The following ECHDC3 variants were observed in gnomAD, a reference collection of about 807,000 sequenced individuals.
ECHDC3 encodes enoyl-CoA hydratase domain containing 3.
In ECHDC3, 20 loss-of-function variants were observed where a neutral mutation model predicts 17.9. The observed-to-expected ratio is 1.12, with a 90% CI of 0.79 to 1.63. ECHDC3 has a LOEUF of 1.63. Ranked by LOEUF, ECHDC3 falls within the 40% of genes most tolerant of loss-of-function variation. The pLI, the probability that ECHDC3 is intolerant of heterozygous loss-of-function variation, is 0.00. For synonymous variants in ECHDC3, 177 were observed against 149.7 expected, an observed-to-expected ratio of 1.18 and a Z score of -1.33; for missense variants, 407 against 357.7, an observed-to-expected ratio of 1.14 and a Z score of -1.11.
chr10:11,756,703 G>A (rs1745540029), intron 4 of ECHDC3, among the ~76,000 whole-genome samples: 1 of 151,862 alleles, frequency 6.6e-6, no homozygotes, highest in Non-Finnish European at 1.5e-5. Flanking sequence ...CTAAGAGGAT[G>A]TTTTCGATTC....
At chr10:11,759,356 T>TAAAAAAAAAAAAAAAAAAAAA (rs151106517) in intron 4 of ECHDC3, among the ~76,000 whole-genome samples, 1 of 127,404 alleles carries the variant, frequency 7.8e-6, no homozygotes, top group African/African-American at 3.4e-5. Context: ...CTCCATCTCT[T>TAAAAAAAAAAAAAAAAAAAAA]AAAAAAAAAA....
Position 11,747,410 on chromosome 10 carries a change from C to T in ECHDC3, c.232C>T (p.Leu78Phe). 3.7e-6 allele frequency: 6 copies of T among 1,613,992 alleles called. No individual in the cohort carries two copies. Among genetic ancestry groups the T allele is most frequent in the Non-Finnish European group, 4.2e-6 (5 of 1,179,946 alleles). Reference sequence around the variant, plus strand: ...GTTGTCACTTGCAATGCTGAAGTCTCTCCAAAGTGACATTCTTCATGACGC... The same window carrying T: ...GTTGTCACTTGCAATGCTGAAGTCTTTCCAAAGTGACATTCTTCATGACGC... ...NALSLAMLKS[L>F]QSDILHDADS... Residue 78 changes from leucine to phenylalanine, a missense_variant, in exon 2 of 5, where the codon CTC becomes TTC. Coordinates refer to ENST00000379215, the MANE Select transcript of ECHDC3 (RefSeq NM_024693.5).
intron 4 of ECHDC3, among the ~76,000 whole-genome samples, chr10:11,758,023 G>A (rs191808431): frequency 1.3e-5 from 2 of 152,240 alleles, no homozygotes; most frequent in African/African-American, 4.8e-5. Flanking sequence ...GAAGCTAGCA[G>A]GTACTTTGCA....
intron 1 of ECHDC3, among the ~76,000 whole-genome samples, chr10:11,745,740 T>C (rs1832751840): frequency 6.6e-6 from 1 of 152,180 alleles, no homozygotes; most frequent in African/African-American, 2.4e-5. Flanking sequence ...TGAAAACTGA[T>C]AGGAAACATA....
At chr10:11,751,311 T>G (rs566253814) in intron 3 of ECHDC3, among the ~76,000 whole-genome samples, 1 of 152,340 alleles carries the variant, frequency 6.6e-6, no homozygotes, top group African/African-American at 2.4e-5. Flanking sequence ...TGGAAGCCCC[T>G]AACCCTTGGA....
chr10:11,761,141 C>G (rs1026962764), intron 4 of ECHDC3, among the ~76,000 whole-genome samples: 4 of 152,226 alleles, frequency 2.6e-5, no homozygotes, highest in African/African-American at 9.6e-5. Context: ...GGCTTCTGGT[C>G]TCTCTATCCA....
Position 11,763,743 on chromosome 10 carries a change from C to A in ECHDC3, c.*199C>A. 7.2e-7 allele frequency: 1 copy of A among 1,393,264 alleles called. No individual in the cohort carries two copies. The allele number at this position is 1,393,264 out of a possible 1,614,324, so 86.3% of individuals were successfully genotyped here. ...AATGGAGAGTGACTGAGGTGCTGAC[C>A]TCAGTGCAAGGCTGGTGAACCCTGC... is the stretch of plus-strand genomic sequence containing the variant. On this transcript the variant is annotated 3_prime_UTR_variant, in exon 5 of 5. Coordinates refer to ENST00000379215, the MANE Select transcript of ECHDC3 (RefSeq NM_024693.5). This position sits in a 1 kb window ranked among gnomAD's most constrained non-coding sequence, Gnocchi z 4.9.
intron 1 of ECHDC3, among the ~76,000 whole-genome samples, chr10:11,744,881 G>T (rs1034036988): frequency 2.6e-5 from 4 of 152,230 alleles, no homozygotes; most frequent in Non-Finnish European, 4.4e-5. Flanking sequence ...GGATGAACGC[G>T]TGCACCTGGA....
chr10:11,749,106 A>G (rs1832794938), intron 2 of ECHDC3, among the ~76,000 whole-genome samples: 1 of 152,218 alleles, frequency 6.6e-6, no homozygotes, highest in South Asian at 2.1e-4. Context: ...TGACATGGAC[A>G]CTGCCTTCGG....
intron 2 of ECHDC3, among the ~76,000 whole-genome samples, chr10:11,749,150 T>C (rs1014060615): frequency 6.6e-6 from 1 of 152,232 alleles, no homozygotes; most frequent in Non-Finnish European, 1.5e-5. Context: ...TGTGACTCAA[T>C]ACACTCAGGC....
rs191378837 is a variant in ECHDC3, at chr10:11,759,043, G to A, written c.591+3435G>A. Among the ~76,000 whole-genome samples the A allele has an allele frequency of 4.3e-3, 654 of 152,318 alleles. 16 individuals are homozygous for A. Among genetic ancestry groups the A allele is most frequent in the Admixed American group, 0.037 (566 of 15,300 alleles). Reference sequence around the variant, plus strand: ...ATGAGTATGGAGCCCTTGTGAATGAGATCAGTGACTTTATGAAAACAGCCC... The same window carrying A: ...ATGAGTATGGAGCCCTTGTGAATGAAATCAGTGACTTTATGAAAACAGCCC... On this transcript the variant is annotated intron_variant, in intron 4 of 4. Coordinates refer to ENST00000379215, the MANE Select transcript of ECHDC3 (RefSeq NM_024693.5).
intron 1 of ECHDC3, among the ~76,000 whole-genome samples, chr10:11,743,130 G>A (rs1264588438): frequency 6.6e-6 from 1 of 152,222 alleles, no homozygotes; most frequent in Non-Finnish European, 1.5e-5. Context: ...AGGACAAAGT[G>A]CACAGCTTCC....
intron 3 of ECHDC3, chr10:11,752,139 T>G (rs1832832073): frequency 6.6e-6 from 1 of 151,772 alleles, no homozygotes; most frequent in African/African-American, 2.4e-5. Context: ...TAAGACAGGG[T>G]CTCACTCTGT....
chr10:11,754,915 T>C (rs778539330), intron 3 of ECHDC3, among the ~76,000 whole-genome samples: 6 of 152,178 alleles, frequency 3.9e-5, no homozygotes, highest in Non-Finnish European at 7.3e-5. Flanking sequence ...TGGTTCAGAG[T>C]AGATATTTAA....
chr10:11,763,483 A>G lies in ECHDC3; in HGVS notation c.851A>G (p.Gln284Arg). 8.7e-7 allele frequency: 1 copy of G among 1,155,202 alleles called. No homozygotes were observed. The highest frequency in any genetic ancestry group is 1.3e-6 in the Non-Finnish European group (1 of 775,546). The allele number at this position is 1,155,202 out of a possible 1,614,324, so 71.6% of individuals were successfully genotyped here. ...GACAACCTGGCCCTGCGGGACGGGCAGGAGGGCATCACGGCCTTCCTCCAG... is the reference window on the plus strand; with the variant it reads ...GACAACCTGGCCCTGCGGGACGGGCGGGAGGGCATCACGGCCTTCCTCCAG... The part of the protein sequence containing the change: ...MVDNLALRDG[Q>R]EGITAFLQKR... The change falls in exon 5 of 5, where the codon CAG (glutamine) becomes CGG (arginine). Residue 284 changes from glutamine to arginine, a missense_variant. Transcript: ENST00000379215. The surrounding 1 kb of genome is among the most constrained non-coding windows in gnomAD (Gnocchi z 4.9).
chr10:11,763,444 C>T lies in ECHDC3; in HGVS notation c.812C>T (p.Ser271Phe), dbSNP rs748143770. Residue 271 changes from serine (S) to phenylalanine (F), a missense_variant, in exon 5 of 5, where the codon TCC (serine) becomes TTC (phenylalanine). Physicochemically the swap from Ser to Phe is radical, Grantham distance 155 (BLOSUM62 -2). Transcript: ENST00000379215. The surrounding 1 kb of genome is among the most constrained non-coding windows in gnomAD (Gnocchi z 4.9). ...QDLGTAYYLT[S>F]QAMVDNLALR... ...CTGGGGACGGCTTACTACCTCACCT[C>T]CCAGGCCATGGTGGACAACCTGGCC... The T allele has an allele frequency of 1.1e-6, 1 of 890,094 alleles. No homozygotes were observed. The highest frequency in any genetic ancestry group is 1.7e-5 in the Admixed American group (1 of 59,070). 55.1% of individuals were successfully genotyped at this position (890,094 alleles called of 1,614,324 possible).
chr10:11,763,109 G>A lies in ECHDC3; in HGVS notation c.592-115G>A. The A allele has an allele frequency of 1.6e-6, 1 of 625,348 alleles. No homozygotes were observed. Among genetic ancestry groups the A allele is most frequent in the Non-Finnish European group, 2.9e-6 (1 of 345,370 alleles). 38.7% of individuals were successfully genotyped at this position (625,348 alleles called of 1,614,324 possible). A position where few individuals can be genotyped will look rare whatever the true frequency, so the allele number is the denominator to read the frequency against. On this transcript the variant is annotated intron_variant, in intron 4 of 4. Transcript: ENST00000379215. The surrounding 1 kb of genome is among the most constrained non-coding windows in gnomAD (Gnocchi z 4.9). ...AGGAGTTAGGGCACTGAAGACGTCA[G>A]GGCTGGCGGATGACGTGGTATTTGA...
At chr10:11,747,980 A>G (rs1254636005) in intron 2 of ECHDC3, among the ~76,000 whole-genome samples, 4 of 152,222 alleles carry the variant, frequency 2.6e-5, no homozygotes, top group Non-Finnish European at 4.4e-5. Flanking sequence ...GGTATAAATA[A>G]TAGTAATATT....
intron 1 of ECHDC3, among the ~76,000 whole-genome samples, chr10:11,746,809 C>T (rs369796635): frequency 2.6e-5 from 4 of 152,094 alleles, no homozygotes; most frequent in Non-Finnish European, 4.4e-5. Context: ...GTGGCGGGCA[C>T]CTGTAGTCCC....
Sources: allele counts gnomAD v4.1 joint callset (sites outside exome capture counted in the v4.1 genomes callset), GRCh38; gene constraint gnomAD v4.1.1; non-coding constraint Gnocchi (gnomAD v3.1); transcripts MANE v1.5; gene names NCBI Gene and HGNC (gene_info 2026-07-23, HGNC 2026-07-21).